TULP4: variants seen among roughly 807,000 people sequenced by gnomAD.
TULP4 encodes TUB like protein 4, also known as tubby-related protein 4.
TULP4 carries 16 observed loss-of-function variants against 129.0 expected under a neutral mutation model. The ratio of observed to expected loss-of-function variants is 0.12; its 90% CI spans 0.08 to 0.19. The LOEUF (loss-of-function observed/expected upper bound fraction) is 0.19, where lower values mean the gene tolerates loss of function less well. Among genes scored for constraint, TULP4 ranks in the 10% least tolerant of loss-of-function variants. TULP4 has a pLI of 1.00. For synonymous variants in TULP4, 998 were observed against 854.0 expected, an observed-to-expected ratio of 1.17 and a Z score of -2.94; for missense variants, 1,842 against 2,059.1, an observed-to-expected ratio of 0.89 and a Z score of 2.04.
chr6:158,335,373 T>G (rs993094712), intron 1 of TULP4, among the ~76,000 whole-genome samples: 8 of 152,188 alleles, frequency 5.3e-5, no homozygotes, highest in African/African-American at 1.9e-4. Context: ...CTTAATTACT[T>G]AATGTGGTTA....
intron 1 of TULP4, among the ~76,000 whole-genome samples, chr6:158,384,948 T>A (rs145199134): frequency 1.3e-5 from 2 of 152,340 alleles, no homozygotes; most frequent in East Asian, 3.9e-4. Flanking sequence ...CAGAGGTAGC[T>A]TTAGAAGTTC....
At chr6:158,351,889 T>A (rs183580169) in intron 1 of TULP4, among the ~76,000 whole-genome samples, 3 of 151,590 alleles carry the variant, frequency 2.0e-5, no homozygotes, top group Admixed American at 2.0e-4. Context: ...ACCCAGCTAA[T>A]TTTTGTATTT....
At chr6:158,308,873 C>T (rs1479578567), upstream of TULP4, among the ~76,000 whole-genome samples, 2 of 135,102 alleles carry the variant, frequency 1.5e-5, no homozygotes, top group African/African-American at 2.8e-5. Flanking sequence ...GGGCGGCTGG[C>T]CGGGTGGGGG....
chr6:158,262,863 G>A (rs560698503), intron 1 of TULP4, among the ~76,000 whole-genome samples: 4 of 92,526 alleles, frequency 4.3e-5, no homozygotes, highest in Admixed American at 1.4e-4. Flanking sequence ...TTTGGAATGG[G>A]TGTTGGGGTG....
At chr6:158,466,249 G>A (rs578164751) in intron 6 of TULP4, among the ~76,000 whole-genome samples, 1 of 152,278 alleles carries the variant, frequency 6.6e-6, no homozygotes, top group South Asian at 2.1e-4. Context: ...GGCCAAGAGA[G>A]TCTCCATTCA....
At position 158,481,184 on chromosome 6, in the gene TULP4, T is replaced by C. The variant is rs762241882; in HGVS notation, c.1381T>C (p.Tyr461His). The C allele has an allele frequency of 5.6e-6, 9 of 1,614,252 alleles. No homozygotes were observed. In the South Asian group the frequency reaches 9.9e-5, roughly 18 times the overall value. The stretch of plus-strand genomic sequence containing the variant: ...GGTGGGCGGCCCGTGCTACACGCTC[T>C]ACCTGGAGTACCTGGGCGGGCTTGT... ...PEVGGPCYTLYLEYLGGLVPI... is the reference protein window; with the variant it reads ...PEVGGPCYTLHLEYLGGLVPI... The change falls in exon 8 of 14, where the codon TAC becomes CAC. Residue 461 changes from tyrosine (Y) to histidine (H), a missense_variant. Tyr to His is a moderately conservative substitution (Grantham distance 83). Around this residue, in one of 5 missense-constraint regions of TULP4, gnomAD observed 456 missense variants for 534.3 expected, o/e 0.85. Coordinates refer to ENST00000367097, the MANE Select transcript of TULP4 (RefSeq NM_020245.5).
intron 1 of TULP4, chr6:158,237,714 T>C (rs879905398): frequency 3.2e-5 from 31 of 962,824 alleles, no homozygotes; most frequent in Non-Finnish European, 5.1e-5. Flanking sequence ...CTTGTTCCTT[T>C]GGTTGACTAT....
upstream of TULP4, among the ~76,000 whole-genome samples, chr6:158,309,021 C>T (rs1779280926): frequency 7.0e-6 from 1 of 142,720 alleles, no homozygotes; most frequent in Non-Finnish European, 1.5e-5. Context: ...GGCGGCTGGC[C>T]TGGCGGGGGC....
intron 1 of TULP4, among the ~76,000 whole-genome samples, chr6:158,239,077 CCGGA>C (rs1247603265): frequency 3.1e-5 from 4 of 127,004 alleles, no homozygotes; most frequent in Non-Finnish European, 7.3e-5. Flanking sequence ...CACCTCCCTC[CCGGA>C]CGGGGCGGCT....
chr6:158,392,804 T>C (rs1036535574), intron 1 of TULP4, among the ~76,000 whole-genome samples: 1 of 108,358 alleles, frequency 9.2e-6, no homozygotes, highest in Non-Finnish European at 1.9e-5. Context: ...CTTTTTTTTT[T>C]TTTTTTTTTT....
chr6:158,372,164 C>CTTT (rs67123255), intron 1 of TULP4, among the ~76,000 whole-genome samples: 861 of 83,302 alleles, frequency 0.01, 44 homozygotes, highest in East Asian at 0.033. Context: ...ATTCTATCTG[C>CTTT]TTTTTTTTTT....
chr6:158,459,152 C>T (rs778379346), intron 5 of TULP4, among the ~76,000 whole-genome samples: 7 of 152,130 alleles, frequency 4.6e-5, no homozygotes, highest in Non-Finnish European at 7.3e-5. Context: ...AAGTCCTGGC[C>T]GGGCGCGGTG....
At chr6:158,495,869 A>G (rs1159614080) in intron 11 of TULP4, among the ~76,000 whole-genome samples, 1 of 151,864 alleles carries the variant, frequency 6.6e-6, no homozygotes, top group Non-Finnish European at 1.5e-5. Flanking sequence ...TTAGCTGACT[A>G]TTGGTACAAT....
rs1048919711 is a variant in TULP4 at position 158,339,826 on chromosome 6, A to G, written c.252+25558A>G. Among the ~76,000 whole-genome samples, 16 of 152,212 alleles carry G rather than the reference A, an allele frequency of 1.1e-4. 1 individual carries two copies. The highest frequency in any genetic ancestry group is 1.5e-5 in the Non-Finnish European group (1 of 68,038). On this transcript the variant is annotated intron_variant, in intron 1 of 13. Coordinates refer to ENST00000367097, the MANE Select transcript of TULP4 (RefSeq NM_020245.5). ...ACAAACAATTTGTGCAGTTAACACA[A>G]TCATCACAGGGCCCTGAAGCTACAT...
chr6:158,236,795 C>CTTTTT lies in TULP4; in HGVS notation n.68+4524_68+4528dup, dbSNP rs71030149. Reference sequence around the variant, plus strand: ...AGATGGGTAAATGCCCAATTCTTTTCTTTTTTTTTTTTTTTTTTTTTTTTT... The same window carrying CTTTTT: ...AGATGGGTAAATGCCCAATTCTTTTCTTTTTTTTTTTTTTTTTTTTTTTTTTTTTT... On this transcript the variant is annotated intron_variant and non_coding_transcript_variant, in intron 1 of 1. Coordinates refer to the TULP4 transcript ENST00000620026. 2.5e-4 allele frequency among the ~76,000 whole-genome samples: 16 copies of CTTTTT among 63,286 alleles called. 3 individuals are homozygous for CTTTTT. Among genetic ancestry groups the CTTTTT allele is most frequent in the South Asian group, 5.8e-4 (1 of 1,726 alleles). 41.5% of individuals were successfully genotyped at this position (63,286 alleles called of 152,430 possible).
In TULP4 at chr6:158,502,577, CG is replaced by C; in HGVS notation, c.2920del (p.Ala974LeufsTer50). ...PEIASQLAQGRGAAQRSDNSL... is the reference protein window; with the variant it reads ...PEIASQLAQGXGAAQRSDNSL... ...AATTGCCAGCCAGCTGGCCCAGGGG[CG>C]GGGGGCTGCCCAGAGGTCCGACAAT... On this transcript the variant is annotated frameshift_variant, in exon 13 of 14. Transcript: ENST00000367097. LOFTEE classifies it high-confidence loss of function. 6.2e-7 allele frequency: 1 copy of C among 1,603,876 alleles called. No homozygotes were observed.
intron 1 of TULP4, among the ~76,000 whole-genome samples, chr6:158,261,676 C>T (rs903474591): frequency 1.3e-5 from 2 of 152,116 alleles, no homozygotes; most frequent in Non-Finnish European, 2.9e-5. Flanking sequence ...AAAACTCAGG[C>T]GGCTCATACA....
At chr6:158,453,822 G>T (rs860429) in intron 5 of TULP4, among the ~76,000 whole-genome samples, 1 of 145,144 alleles carries the variant, frequency 6.9e-6, no homozygotes, top group African/African-American at 2.6e-5. Flanking sequence ...GTGTGGTGGC[G>T]TGTGCCTATA....
chr6:158,296,582 G>GA (rs1205965123), intron 1 of TULP4, among the ~76,000 whole-genome samples: 5 of 151,564 alleles, frequency 3.3e-5, no homozygotes, highest in African/African-American at 1.2e-4. Flanking sequence ...GAGGGAACAG[G>GA]ACAAAGGGCA....
Sources: allele counts gnomAD v4.1 joint callset (sites outside exome capture counted in the v4.1 genomes callset), GRCh38; gene constraint gnomAD v4.1.1; regional missense constraint gnomAD v4.1.1; transcripts MANE v1.5; gene names NCBI Gene and HGNC (gene_info 2026-07-23, HGNC 2026-07-21).